Variants in AKAP6 observed in about 807,000 individuals in gnomAD.
AKAP6 encodes A-kinase anchoring protein 6, also known as A-kinase anchor protein 6.
Under a neutral mutation model 188.5 loss-of-function variants are expected in AKAP6, and 58 were observed. The ratio of observed to expected loss-of-function variants is 0.31; its 90% CI spans 0.25 to 0.38. The LOEUF (loss-of-function observed/expected upper bound fraction) is 0.38. Ranked by LOEUF, AKAP6 falls within the 10% of genes least tolerant of loss-of-function variation. The pLI, the probability that AKAP6 is intolerant of heterozygous loss-of-function variation, is 1.00. For synonymous variants in AKAP6, 989 were observed against 998.6 expected, an observed-to-expected ratio of 0.99 and a Z score of 0.18; for missense variants, 2,710 against 2,740.0, an observed-to-expected ratio of 0.99 and a Z score of 0.24.
chr14:32,469,925 C>G (rs1385847779), intron 2 of AKAP6, among the ~76,000 whole-genome samples: 1 of 151,932 alleles, frequency 6.6e-6, no homozygotes, highest in Non-Finnish European at 1.5e-5. Context: ...TTTTTATTTT[C>G]TAATAAAATA....
chr14:32,768,803 A>G (rs1167464036), intron 11 of AKAP6, among the ~76,000 whole-genome samples: 1 of 152,142 alleles, frequency 6.6e-6, no homozygotes, highest in African/African-American at 2.4e-5. Flanking sequence ...TTGTTAAAGC[A>G]TGGTTCATTG....
At chr14:32,685,724 CA>C (rs71115091) in intron 8 of AKAP6, among the ~76,000 whole-genome samples, 4,255 of 86,146 alleles carry the variant, frequency 0.049, 166 homozygotes, top group African/African-American at 0.16. Context: ...GACTCCATCT[CA>C]AAAAAAAAAA....
rs566323337 is a variant in AKAP6 at position 32,576,649 on chromosome 14, A to G, written c.2347-471A>G. 1.4e-3 allele frequency among the ~76,000 whole-genome samples: 219 copies of G among 152,276 alleles called. 1 individual carries two copies. The highest frequency in any genetic ancestry group is 2.0e-3 in the Non-Finnish European group (137 of 68,018). On this transcript the variant is annotated intron_variant, in intron 4 of 13. Coordinates refer to ENST00000280979, the MANE Select transcript of AKAP6 (RefSeq NM_004274.5). ...TTATGTAATTTTGAAATATATTTCT[A>G]GTTCAGCTATGGCAACTAAACTCCA... is the stretch of plus-strand genomic sequence containing the variant.
At chr14:32,453,873 CTG>C (rs1429272005) in intron 2 of AKAP6, among the ~76,000 whole-genome samples, 54 of 152,160 alleles carry the variant, frequency 3.5e-4, no homozygotes, top group African/African-American at 1.2e-3. Flanking sequence ...GCGTGAGCCA[CTG>C]CGCCCGGCCG....
intron 7 of AKAP6, among the ~76,000 whole-genome samples, chr14:32,609,115 T>C (rs917168824): frequency 2.6e-5 from 4 of 152,124 alleles, no homozygotes; most frequent in Non-Finnish European, 4.4e-5. Flanking sequence ...TTTGGGTTTA[T>C]TGAGTCATCT....
intron 1 of AKAP6, among the ~76,000 whole-genome samples, chr14:32,348,840 G>A (rs1427116357): frequency 6.6e-6 from 1 of 152,178 alleles, no homozygotes; most frequent in Non-Finnish European, 1.5e-5. Context: ...CTCCCTGAGA[G>A]GTGCCAAGTG....
intron 8 of AKAP6, chr14:32,693,613 T>C (rs12435259): frequency 0.27 from 41,513 of 152,134 alleles, 6,153 homozygotes; most frequent in South Asian, 0.39. Flanking sequence ...CTGTCTCACA[T>C]GCCTCCTTTC....
chr14:32,780,752 G>A (rs1242841911), intron 12 of AKAP6, among the ~76,000 whole-genome samples: 1 of 152,072 alleles, frequency 6.6e-6, no homozygotes. Flanking sequence ...AATATATCGA[G>A]ACTCCATATC....
intron 5 of AKAP6, among the ~76,000 whole-genome samples, chr14:32,578,397 T>C (rs1363833228): frequency 6.6e-6 from 1 of 152,136 alleles, no homozygotes; most frequent in Non-Finnish European, 1.5e-5. Context: ...CTTCCCTTTT[T>C]AGAGACCTGA....
intron 2 of AKAP6, among the ~76,000 whole-genome samples, chr14:32,533,064 G>A (rs1882492937): frequency 6.6e-6 from 1 of 152,180 alleles, no homozygotes; most frequent in Non-Finnish European, 1.5e-5. Flanking sequence ...GTAGAGACTT[G>A]TCCCAGTGGA....
intron 2 of AKAP6, among the ~76,000 whole-genome samples, chr14:32,437,081 G>T (rs116037803): frequency 6.6e-6 from 1 of 152,164 alleles, no homozygotes; most frequent in African/African-American, 2.4e-5. Flanking sequence ...TAAAGCTCCA[G>T]ATTCACTGTA....
At chr14:32,693,324 C>T (rs900355178) in intron 8 of AKAP6, 1 of 152,214 alleles carries the variant, frequency 6.6e-6, no homozygotes. Flanking sequence ...GAGAGGCCCA[C>T]CTGGCTCTCC....
Position 32,822,964 on chromosome 14 carries a change from G to T in AKAP6, c.5151G>T (p.Ser1717=). Reference sequence around the variant, plus strand: ...ACAAGATCCCGGAATCGAATGCATCGTTCAGGAAGCGTCTGACTCGTTCAG... The same window carrying T: ...ACAAGATCCCGGAATCGAATGCATCTTTCAGGAAGCGTCTGACTCGTTCAG... The part of the protein sequence containing the change: ...HKNKIPESNA[S]FRKRLTRSVA... Residue 1717 remains serine, a synonymous_variant, in exon 13 of 14, where the codon TCG becomes TCT. Transcript: ENST00000280979. 6.2e-7 allele frequency: 1 copy of T among 1,613,832 alleles called. No homozygotes were observed. Among genetic ancestry groups the T allele is most frequent in the Non-Finnish European group, 8.5e-7 (1 of 1,179,884 alleles).
rs558251831 is a variant in AKAP6 at position 32,746,801 on chromosome 14, T to C, written c.3372+10919T>C. 2.0e-5 allele frequency among the ~76,000 whole-genome samples: 3 copies of C among 152,304 alleles called. No homozygotes were observed. In the East Asian group the frequency reaches 5.8e-4, roughly 29 times the overall value. ...CTCAAAAGTCCCTAGGTCAAAGATC[T>C]GTTACTTGAAAGAGAAAAGCACATA... On this transcript the variant is annotated intron_variant, in intron 11 of 13. Transcript: ENST00000280979.
intron 1 of AKAP6, among the ~76,000 whole-genome samples, chr14:32,396,552 G>A (rs1432677542): frequency 6.6e-6 from 1 of 152,166 alleles, no homozygotes; most frequent in East Asian, 1.9e-4. Context: ...GAATGTGTAT[G>A]TGCTGCTGTT....
chr14:32,683,788 GCTAA>G (rs1889795255), intron 8 of AKAP6, among the ~76,000 whole-genome samples: 1 of 152,166 alleles, frequency 6.6e-6, no homozygotes, highest in Admixed American at 6.5e-5. Context: ...ACAATTATCT[GCTAA>G]CTGTGTGGAG....
chr14:32,736,229 TA>T (rs2139844606), intron 11 of AKAP6, among the ~76,000 whole-genome samples: 1 of 152,280 alleles, frequency 6.6e-6, no homozygotes, highest in South Asian at 2.1e-4. Flanking sequence ...ATAACTTGGA[TA>T]AAAATACTTA....
intron 7 of AKAP6, among the ~76,000 whole-genome samples, chr14:32,652,577 A>G (rs1379567437): frequency 6.6e-6 from 1 of 152,144 alleles, no homozygotes; most frequent in Non-Finnish European, 1.5e-5. Context: ...TAAATCAAAT[A>G]TATTTTGCAT....
chr14:32,659,121 T>C (rs532517595), intron 7 of AKAP6, among the ~76,000 whole-genome samples: 2 of 152,244 alleles, frequency 1.3e-5, no homozygotes, highest in African/African-American at 4.8e-5. Flanking sequence ...CTAAAGTGGA[T>C]ATGAGTGAAC....
Sources: allele counts gnomAD v4.1 joint callset (sites outside exome capture counted in the v4.1 genomes callset), GRCh38; gene constraint gnomAD v4.1.1; transcripts MANE v1.5; gene names NCBI Gene and HGNC (gene_info 2026-07-23, HGNC 2026-07-21).